PITRM1: variants seen among roughly 807,000 people sequenced by gnomAD.
The protein encoded by PITRM1 is pitrilysin metallopeptidase 1.
A neutral mutation model predicts 129.9 loss-of-function variants in PITRM1; 100 were observed. The observed-to-expected ratio is 0.77, with a 90% CI of 0.65 to 0.91. PITRM1 has a LOEUF of 0.91. PITRM1 is among the 40% of genes least tolerant of loss of function. PITRM1 has a pLI of 0.00. For synonymous variants in PITRM1, 591 were observed against 508.8 expected (o/e 1.16, Z -2.17); for missense variants, 1,471 against 1,318.3 (o/e 1.12, Z -1.79).
intron 9 of PITRM1, among the ~76,000 whole-genome samples, chr10:3,159,494 T>G (rs1842260023): frequency 6.6e-6 from 1 of 152,218 alleles, no homozygotes; most frequent in East Asian, 1.9e-4. Context: ...GTGATATATT[T>G]TGCCGAGGTG....
intron 19 of PITRM1, 67 bp from the exon 20 acceptor site, chr10:3,147,317 G>T: frequency 8.3e-7 from 1 of 1,207,796 alleles, no homozygotes; most frequent in Non-Finnish European, 1.2e-6. Flanking sequence ...TCTGAACCAA[G>T]CACCTGTGAC....
At chr10:3,152,257 G>A (rs1395721954) in intron 14 of PITRM1, among the ~76,000 whole-genome samples, 4 of 152,104 alleles carry the variant, frequency 2.6e-5, no homozygotes, top group Non-Finnish European at 2.9e-5. Flanking sequence ...CGTGCTCCCC[G>A]CCCTGATGGC....
chr10:3,169,014 T>A (rs1368912299), intron 2 of PITRM1, among the ~76,000 whole-genome samples: 1 of 151,636 alleles, frequency 6.6e-6, no homozygotes, highest in East Asian at 1.9e-4. Flanking sequence ...GGCAAGAGGA[T>A]CGCTTGAGCC....
intron 24 of PITRM1, among the ~76,000 whole-genome samples, chr10:3,139,425 C>T (rs1648431270): frequency 6.6e-6 from 1 of 152,216 alleles, no homozygotes; most frequent in South Asian, 2.1e-4. Context: ...GTTTTCCTTT[C>T]ATCTCCCTGA....
rs751076803 is a variant in PITRM1 at position 3,143,379 on chromosome 10, AC to A, written c.2645+9del. The A allele has an allele frequency of 1.3e-6, 2 of 1,561,120 alleles. No homozygotes were observed. The highest frequency in any genetic ancestry group is 1.7e-5 in the Admixed American group (1 of 59,910). On this transcript the variant is annotated intron_variant, in intron 23 of 26. Transcript: ENST00000224949. ...TCAGGCCTGAGAGGTCCCGACCTAC[AC>A]CCTCCTACCTGGCATGATCTGGGTC... is the stretch of plus-strand genomic sequence containing the variant.
intron 1 of PITRM1, among the ~76,000 whole-genome samples, chr10:3,171,296 G>C (rs1843333929): frequency 1.3e-5 from 2 of 149,230 alleles, no homozygotes; most frequent in South Asian, 2.1e-4. Context: ...TATTCAAATA[G>C]GTAACAAGAC....
rs146280803 is a variant in PITRM1, at chr10:3,138,510, C to T, written c.2918-173G>A. On this transcript the variant is annotated intron_variant, in intron 25 of 26. Coordinates refer to ENST00000224949, the MANE Select transcript of PITRM1 (RefSeq NM_014889.4). ...ATCACACCCCGACCTCCAGCTCCCACGTGCCACGCTGACCCCTACCCACGC... is the reference window on the plus strand; with the variant it reads ...ATCACACCCCGACCTCCAGCTCCCATGTGCCACGCTGACCCCTACCCACGC... 1.7e-4 allele frequency: 111 copies of T among 636,454 alleles called. 3 individuals carry two copies. The highest frequency in any genetic ancestry group is 1.6e-3 in the African/African-American group (87 of 55,602). The allele number at this position is 636,454 out of a possible 1,614,324, so 39.4% of individuals were successfully genotyped here.
intron 23 of PITRM1, among the ~76,000 whole-genome samples, chr10:3,142,389 T>A (rs1840328364): frequency 6.6e-6 from 1 of 152,352 alleles, no homozygotes; most frequent in South Asian, 2.1e-4. Flanking sequence ...GGCCTAAGCC[T>A]GCCTTCCCCC....
chr10:3,155,861 A>C (rs1841933667), intron 13 of PITRM1, 132 bp from the exon 14 acceptor site: 1 of 996,684 alleles, frequency 1.0e-6, no homozygotes, highest in Non-Finnish European at 1.4e-6. Flanking sequence ...TAGTAATAAT[A>C]GAACGCACCT....
At position 3,160,237 on chromosome 10, in the gene PITRM1, G is replaced by A. The variant is rs780305008; in HGVS notation, c.885C>T (p.Thr295=). The A allele has an allele frequency of 3.3e-5, 53 of 1,613,792 alleles. No homozygotes were observed. Among genetic ancestry groups the A allele is most frequent in the Non-Finnish European group, 4.0e-5 (47 of 1,179,834 alleles). The part of the protein sequence containing the change: ...LSKFQKIEPS[T]VVPAQTPWDK... ...CCCAGGGTGTCTGAGCTGGCACCAC[G>A]GTGCTTGGTTCAATTTTCTGGAATT... The change falls in exon 8 of 27, where the codon ACC becomes ACT. Residue 295 remains threonine (T), a synonymous_variant. Coordinates refer to ENST00000224949, the MANE Select transcript of PITRM1 (RefSeq NM_014889.4).
intron 7 of PITRM1, among the ~76,000 whole-genome samples, chr10:3,162,681 G>A (rs1460333731): frequency 6.6e-6 from 1 of 152,328 alleles, no homozygotes; most frequent in East Asian, 1.9e-4. Context: ...CTCAAACTAA[G>A]TCTTTGGATC....
In PITRM1 at chr10:3,138,010, G is replaced by A. The variant is rs1183413747; in HGVS notation, c.*21C>T. 1 of 1,448,818 alleles carries A rather than the reference G, an allele frequency of 6.9e-7. No homozygotes were observed. Among genetic ancestry groups the A allele is most frequent in the South Asian group, 1.2e-5 (1 of 84,018 alleles). 89.7% of individuals were successfully genotyped at this position (1,448,818 alleles called of 1,614,324 possible). A position where few individuals can be genotyped will look rare whatever the true frequency, so the allele number is the denominator to read the frequency against. On this transcript the variant is annotated 3_prime_UTR_variant, in exon 27 of 27. Coordinates refer to ENST00000224949, the MANE Select transcript of PITRM1 (RefSeq NM_014889.4). ...GAGGTGTATTGTCTCGGGCTCCTGTGCAGTCGAGCGCCACGGCTGCTCATT... is the reference window on the plus strand; with the variant it reads ...GAGGTGTATTGTCTCGGGCTCCTGTACAGTCGAGCGCCACGGCTGCTCATT...
intron 16 of PITRM1, 186 bp downstream of exon 16, chr10:3,149,435 A>G: frequency 6.0e-6 from 3 of 503,032 alleles, no homozygotes; most frequent in Non-Finnish European, 1.0e-5. Context: ...AACTATTTCA[A>G]TGTAATATAG....
At chr10:3,158,786 T>C (rs1451590552) in intron 10 of PITRM1, 128 bp downstream of exon 10, 10 of 857,358 alleles carry the variant, frequency 1.2e-5, no homozygotes, top group Middle Eastern at 3.1e-4. Flanking sequence ...CTTCCGATTA[T>C]AGCAATCAAA....
intron 15 of PITRM1, among the ~76,000 whole-genome samples, chr10:3,150,284 G>T (rs1841379100): frequency 6.6e-6 from 1 of 152,214 alleles, no homozygotes; most frequent in Admixed American, 6.5e-5. Flanking sequence ...GGACCAAGGT[G>T]CGGAAGGATG....
rs966117499 is a variant in PITRM1, at chr10:3,137,741, G to A, written c.*290C>T. The A allele has an allele frequency of 1.1e-4, 47 of 426,324 alleles. No homozygotes were observed. Among genetic ancestry groups the A allele is most frequent in the Non-Finnish European group, 1.6e-4 (35 of 223,054 alleles). 26.4% of individuals were successfully genotyped at this position (426,324 alleles called of 1,614,324 possible). A position where few individuals can be genotyped will look rare whatever the true frequency, so the allele number is the denominator to read the frequency against. On this transcript the variant is annotated 3_prime_UTR_variant, in exon 27 of 27. Transcript: ENST00000224949. ...CTCAAGCAGAGGTTAAGTCAGAGTT[G>A]CCCTTTATTTTTAGATTCTTAAATA...
chr10:3,145,328 G>C (rs1467059108), intron 21 of PITRM1: 3 of 414,304 alleles, frequency 7.2e-6, no homozygotes, highest in Non-Finnish European at 1.3e-5. Flanking sequence ...TCCAGCCAAA[G>C]TCTGTTTTCC....
At chr10:3,161,664 G>A (rs1310424180) in intron 7 of PITRM1, among the ~76,000 whole-genome samples, 3 of 150,506 alleles carry the variant, frequency 2.0e-5, no homozygotes, top group Admixed American at 6.6e-5. Flanking sequence ...CCGGCTGTGC[G>A]TGCATTAGGG....
intron 7 of PITRM1, among the ~76,000 whole-genome samples, chr10:3,161,408 T>C (rs564943381): frequency 4.9e-4 from 74 of 152,370 alleles, no homozygotes; most frequent in Non-Finnish European, 9.4e-4. Context: ...ACAGAATTTA[T>C]CTTTTTCTTT....
Sources: gnomAD v4.1 joint callset for allele counts (sites outside exome capture counted in the v4.1 genomes callset) on GRCh38, gnomAD v4.1.1 for gene constraint, MANE v1.5 for transcripts, NCBI Gene and HGNC (gene_info 2026-07-23, HGNC 2026-07-21) for gene names.